ADGRV1: variants seen among roughly 807,000 people sequenced by gnomAD.
ADGRV1 encodes the protein G-protein coupled receptor 98.
A neutral mutation model predicts 596.2 loss-of-function variants in ADGRV1; 359 were observed. That is an observed-to-expected ratio of 0.60 (90% CI 0.55 to 0.66). ADGRV1 has a LOEUF of 0.66. Ranked by LOEUF, ADGRV1 falls within the 30% of genes least tolerant of loss-of-function variation. ADGRV1 has a pLI of 0.00. For missense variants in ADGRV1, 7,274 were observed against 7,575.6 expected (o/e 0.96, Z 1.48); for synonymous variants, 2,681 against 2,679.2 (o/e 1.00, Z -0.02).
intron 17 of ADGRV1, among the ~76,000 whole-genome samples, chr5:90,650,996 G>A (rs1768526443): frequency 6.6e-6 from 1 of 152,160 alleles, no homozygotes; most frequent in Admixed American, 6.6e-5. Flanking sequence ...GACCCAATGT[G>A]TAGGCAATAA....
At chr5:91,095,374 A>G (rs1293769911) in intron 86 of ADGRV1, among the ~76,000 whole-genome samples, 1 of 151,960 alleles carries the variant, frequency 6.6e-6, no homozygotes, top group Non-Finnish European at 1.5e-5. Flanking sequence ...TAATTTTTGT[A>G]GTTTTTGTAA....
At chr5:90,735,069 G>T (rs778030605) in intron 50 of ADGRV1, among the ~76,000 whole-genome samples, 2 of 151,848 alleles carry the variant, frequency 1.3e-5, no homozygotes, top group Non-Finnish European at 2.9e-5. Flanking sequence ...TGCTTTTGTC[G>T]CCTCAACTTC....
intron 82 of ADGRV1, among the ~76,000 whole-genome samples, chr5:90,861,176 A>G (rs926389454): frequency 2.0e-5 from 3 of 152,180 alleles, no homozygotes; most frequent in African/African-American, 7.2e-5. Flanking sequence ...AAATTACTCA[A>G]TTAGCTGCTT....
At chr5:90,778,704 T>G in intron 63 of ADGRV1, 95 bp downstream of exon 63, 1 of 1,129,158 alleles carries the variant, frequency 8.9e-7, no homozygotes, top group East Asian at 2.7e-5. Context: ...ATAAACTGAT[T>G]AATTTGCTCC....
At chr5:90,995,741 T>TA (rs1781359645) in intron 85 of ADGRV1, among the ~76,000 whole-genome samples, 1 of 152,154 alleles carries the variant, frequency 6.6e-6, no homozygotes, top group Non-Finnish European at 1.5e-5. Context: ...AAAGTGCTGA[T>TA]AGTGATATAG....
At chr5:90,861,160 A>G (rs1767514908) in intron 82 of ADGRV1, among the ~76,000 whole-genome samples, 1 of 152,196 alleles carries the variant, frequency 6.6e-6, no homozygotes, top group Admixed American at 6.5e-5. Context: ...AAAAAAAAGA[A>G]AAGGCAAATT....
chr5:90,752,874 G>A (rs1454300898), intron 53 of ADGRV1, among the ~76,000 whole-genome samples: 2 of 152,168 alleles, frequency 1.3e-5, no homozygotes, highest in Admixed American at 6.5e-5. Flanking sequence ...GTGGAAAAAC[G>A]AATGTCAGCA....
At chr5:90,823,295 G>C in intron 75 of ADGRV1, 130 bp from the exon 76 acceptor site, 1 of 889,818 alleles carries the variant, frequency 1.1e-6, no homozygotes, top group Non-Finnish European at 1.7e-6. Flanking sequence ...TAAAGTAAGT[G>C]CTATACTTTG....
intron 85 of ADGRV1, among the ~76,000 whole-genome samples, chr5:91,002,198 G>A (rs1344898818): frequency 6.6e-6 from 1 of 151,952 alleles, no homozygotes. Context: ...CCACAGACGC[G>A]GTGTGTTCTG....
intron 87 of ADGRV1, among the ~76,000 whole-genome samples, chr5:91,146,660 A>G (rs1795556064): frequency 1.3e-5 from 2 of 152,218 alleles, no homozygotes; most frequent in Non-Finnish European, 2.9e-5. Context: ...TACAATGTGA[A>G]TGGATCACTA....
At chr5:90,968,693 C>A (rs1017681232) in intron 84 of ADGRV1, among the ~76,000 whole-genome samples, 3 of 150,554 alleles carry the variant, frequency 2.0e-5, no homozygotes, top group Non-Finnish European at 4.5e-5. Flanking sequence ...ATTTATAAAA[C>A]AGTGACTGCT....
In ADGRV1 at chr5:90,802,821, C is replaced by T; in HGVS notation, c.14600C>T (p.Thr4867Ile). The T allele has an allele frequency of 6.2e-7, 1 of 1,612,230 alleles. No homozygotes were observed. The highest frequency in any genetic ancestry group is 8.5e-7 in the Non-Finnish European group (1 of 1,179,208). The change falls in exon 71 of 90, where the codon ACA becomes ATA. Residue 4867 changes from threonine (T) to isoleucine (I), a missense_variant. By Grantham distance (89) the Thr-to-Ile change is moderately conservative. Around this residue, in one of 5 missense-constraint regions of ADGRV1, gnomAD observed 1,874 missense variants for 1,970.2 expected, o/e 0.95. Coordinates refer to ENST00000405460, the MANE Select transcript of ADGRV1 (RefSeq NM_032119.4). ...LVGGRFYGMP[T>I]ILQEAKSAVL... The stretch of plus-strand genomic sequence containing the variant: ...GGTGGACGTTTCTATGGAATGCCAA[C>T]AATTCTTCAGGAAGCAAAATCTGCT...
chr5:90,578,139 C>T (rs888102171), intron 1 of ADGRV1, among the ~76,000 whole-genome samples: 2 of 152,204 alleles, frequency 1.3e-5, no homozygotes, highest in African/African-American at 4.8e-5. Flanking sequence ...GCCAGAACTT[C>T]CAACACTATG....
chr5:90,965,139 A>C (rs562254034), intron 83 of ADGRV1, among the ~76,000 whole-genome samples: 1 of 152,302 alleles, frequency 6.6e-6, no homozygotes, highest in Admixed American at 6.5e-5. Flanking sequence ...TTTGTTCATC[A>C]ATGATAAGAA....
At chr5:90,598,278 A>G (rs774400397) in intron 1 of ADGRV1, among the ~76,000 whole-genome samples, 16 of 152,220 alleles carry the variant, frequency 1.1e-4, no homozygotes, top group Non-Finnish European at 1.6e-4. Flanking sequence ...AATGAATGTT[A>G]GACACAGCCA....
intron 73 of ADGRV1, among the ~76,000 whole-genome samples, chr5:90,808,968 A>G (rs1425268132): frequency 7.0e-6 from 1 of 143,464 alleles, no homozygotes; most frequent in African/African-American, 2.5e-5. Flanking sequence ...TTTTTTTGAG[A>G]TGGAGACTCG....
At chr5:90,658,818 A>G (rs1580628270) in intron 21 of ADGRV1, among the ~76,000 whole-genome samples, 1 of 151,700 alleles carries the variant, frequency 6.6e-6, no homozygotes, top group Admixed American at 6.6e-5. Context: ...AGTTCTTTCC[A>G]TGTTTTCAAA....
chr5:90,978,705 CTAT>C (rs1370870928), intron 84 of ADGRV1, among the ~76,000 whole-genome samples: 6 of 151,932 alleles, frequency 3.9e-5, no homozygotes, highest in Non-Finnish European at 7.4e-5. Context: ...AAATATATAC[CTAT>C]TGTGTACCCA....
intron 34 of ADGRV1, among the ~76,000 whole-genome samples, chr5:90,698,824 G>C (rs1375867431): frequency 6.6e-6 from 1 of 152,090 alleles, no homozygotes; most frequent in Admixed American, 6.6e-5. Context: ...TGGAGAGGCA[G>C]GGAGAAACCA....
Sources: gnomAD v4.1 joint callset for allele counts (sites outside exome capture counted in the v4.1 genomes callset) on GRCh38, gnomAD v4.1.1 for gene constraint, gnomAD v4.1.1 regional missense constraint, MANE v1.5 for transcripts, NCBI Gene and HGNC (gene_info 2026-07-23, HGNC 2026-07-21) for gene names.